The following NDOR1 variants were observed in gnomAD, a reference collection of about 807,000 sequenced individuals.
NDOR1 encodes the protein NADPH-dependent diflavin oxidoreductase 1.
Under a neutral mutation model 67.2 loss-of-function variants are expected in NDOR1, and 61 were observed. The observed-to-expected ratio is 0.91, with a 90% confidence interval of 0.74 to 1.12. NDOR1 has a LOEUF of 1.12. Among genes scored for constraint, NDOR1 ranks in the 50% most tolerant of loss-of-function variants. The pLI, the probability that NDOR1 is intolerant of heterozygous loss-of-function variation, is 0.00. For synonymous variants in NDOR1, 378 were observed against 343.7 expected (o/e 1.10, Z -1.10); for missense variants, 878 against 802.8 (o/e 1.09, Z -1.13).
Position 137,205,737 on chromosome 9 carries a change from T to A in NDOR1, c.-41T>A. The A allele has an allele frequency of 6.3e-7, 1 of 1,599,172 alleles. No individual in the cohort carries two copies. Among genetic ancestry groups the A allele is most frequent in the Non-Finnish European group, 8.5e-7 (1 of 1,179,276 alleles). Reference sequence around the variant, plus strand: ...GCAACCCGGCCGGCGGGAACTGCCTTCTAGTTTTTAGTCTCAGACCAGACC... The same window carrying A: ...GCAACCCGGCCGGCGGGAACTGCCTACTAGTTTTTAGTCTCAGACCAGACC... On this transcript the variant is annotated 5_prime_UTR_variant, in exon 1 of 14. Transcript: ENST00000684003.
In NDOR1 at chr9:137,217,759, G is replaced by A. The variant is rs1835696840; in HGVS notation, c.*1343G>A. On this transcript the variant is annotated 3_prime_UTR_variant, in exon 14 of 14. Coordinates refer to ENST00000684003, the MANE Select transcript of NDOR1 (RefSeq NM_014434.4). ...GGGCCGCCCCTGTCGCCGCCCTGGG[G>A]TCCCTGTCCTCCTATCCTGACTCCT... 2.6e-6 allele frequency: 1 copy of A among 390,316 alleles called. No individual in the cohort carries two copies. Among genetic ancestry groups the A allele is most frequent in the African/African-American group, 2.1e-5 (1 of 47,746 alleles). 24.2% of individuals were successfully genotyped at this position (390,316 alleles called of 1,614,324 possible).
chr9:137,215,715 C>T lies in NDOR1; in HGVS notation c.1345C>T (p.Pro449Ser). 1 of 1,598,902 alleles carries T rather than the reference C, an allele frequency of 6.3e-7. No homozygotes were observed. Residue 449 changes from proline to serine, a missense_variant, in exon 11 of 14, where the codon CCA (proline) becomes TCA (serine). By Grantham distance (74) the Pro-to-Ser change is moderately conservative (BLOSUM62 -1). Coordinates refer to ENST00000684003, the MANE Select transcript of NDOR1 (RefSeq NM_014434.4). ...RPGSLAFPET[P>S]DTPVIMVGPG... Reference sequence around the variant, plus strand: ...TGGGAGTCTGGCCTTCCCAGAGACACCAGACACACCTGTGATCATGGTGGG... The same window carrying T: ...TGGGAGTCTGGCCTTCCCAGAGACATCAGACACACCTGTGATCATGGTGGG...
Position 137,216,525 on chromosome 9 carries a change from C to A in NDOR1, c.*109C>A. 7.2e-7 allele frequency: 1 copy of A among 1,394,838 alleles called. No homozygotes were observed. The highest frequency in any genetic ancestry group is 9.5e-7 in the Non-Finnish European group (1 of 1,048,090). 86.4% of individuals were successfully genotyped at this position (1,394,838 alleles called of 1,614,324 possible). On this transcript the variant is annotated 3_prime_UTR_variant, in exon 14 of 14. Transcript: ENST00000684003. ...GCCGTCATCCTCTCGGACCAGCCAGCTGGTCCTCTGGGAACAGCCAGCTCC... is the reference window on the plus strand; with the variant it reads ...GCCGTCATCCTCTCGGACCAGCCAGATGGTCCTCTGGGAACAGCCAGCTCC...
Position 137,205,772 on chromosome 9 carries a change from ACCCCG to A in NDOR1, c.-5_-1del. Reference sequence around the variant, plus strand: ...AGTCTCAGACCAGACCACCGGGCGCACCCCGATGCCGAGCCCGCAGCTTCTGGTGC... The same window carrying A: ...AGTCTCAGACCAGACCACCGGGCGCAATGCCGAGCCCGCAGCTTCTGGTGC... On this transcript the variant is annotated 5_prime_UTR_variant, in exon 1 of 14. Transcript: ENST00000684003. The A allele has an allele frequency of 6.2e-7, 1 of 1,602,738 alleles. No homozygotes were observed. Among genetic ancestry groups the A allele is most frequent in the Non-Finnish European group, 8.5e-7 (1 of 1,179,550 alleles).
Position 137,216,672 on chromosome 9 carries a change from C to G in NDOR1, c.*256C>G, listed in dbSNP as rs1040363354. The G allele has an allele frequency of 5.5e-6, 3 of 545,636 alleles. No homozygotes were observed. The highest frequency in any genetic ancestry group is 2.1e-5 in the South Asian group (1 of 48,458). The allele number at this position is 545,636 out of a possible 1,614,324, so 33.8% of individuals were successfully genotyped here. On this transcript the variant is annotated 3_prime_UTR_variant, in exon 14 of 14. Coordinates refer to ENST00000684003, the MANE Select transcript of NDOR1 (RefSeq NM_014434.4). The stretch of plus-strand genomic sequence containing the variant: ...ACAGTGAGCTGTGTCCTCGTCCCCC[C>G]ACCCCCTTCCCAGTCAAGGTGGTGG...
chr9:137,208,888 G>A (rs1381881381), intron 2 of NDOR1, among the ~76,000 whole-genome samples: 2 of 151,602 alleles, frequency 1.3e-5, no homozygotes, highest in Admixed American at 1.3e-4. Context: ...TGTTGTTGTT[G>A]GTTTGTTTTG....
Position 137,215,156 on chromosome 9 carries a change from T to A in NDOR1, c.1127T>A (p.Ile376Asn). 1.2e-6 allele frequency: 2 copies of A among 1,613,474 alleles called. 1 individual carries two copies. The highest frequency in any genetic ancestry group is 2.2e-5 in the South Asian group (2 of 91,008). ...AIPPDYLLDL[I>N]PVIRPRAFSI... ...CCTCCCGACTACCTGTTGGACCTCA[T>A]CCCCGTTATCCGGCCGAGGGCCTTC... is the stretch of plus-strand genomic sequence containing the variant. Residue 376 changes from isoleucine (I) to asparagine (N), a missense_variant, in exon 9 of 14, where the codon ATC becomes AAC. Transcript: ENST00000684003.
chr9:137,214,160 C>T (rs1835405288), intron 5 of NDOR1, 44 bp from the exon 6 acceptor site: 1 of 1,567,870 alleles, frequency 6.4e-7, no homozygotes, highest in Non-Finnish European at 8.6e-7. Flanking sequence ...GGTGGGCGGC[C>T]CCTGGGGAGT....
At chr9:137,210,059 C>T (rs1429028941) in intron 2 of NDOR1, among the ~76,000 whole-genome samples, 1 of 152,232 alleles carries the variant, frequency 6.6e-6, no homozygotes, top group Non-Finnish European at 1.5e-5. Flanking sequence ...CACCACTGCA[C>T]TCCAGCCTGG....
Position 137,206,953 on chromosome 9 carries a change from A to T in NDOR1, c.213+644A>T, listed in dbSNP as rs7037428. On this transcript the variant is annotated intron_variant, in intron 2 of 13. Transcript: ENST00000684003. ...GGAGCAGTCAGCGCAGAGGAAAAAG[A>T]TGATTTGGTTTGTGTGAAAAGTGGA... Among the ~76,000 whole-genome samples, 585 of 152,210 alleles carry T rather than the reference A, an allele frequency of 3.8e-3. 3 individuals are homozygous for T. Among genetic ancestry groups the T allele is most frequent in the African/African-American group, 0.013 (559 of 41,514 alleles).
intron 1 of NDOR1, 23 bp from the exon 2 acceptor site, chr9:137,206,209 C>T: frequency 2.5e-6 from 4 of 1,613,544 alleles, no homozygotes; most frequent in Non-Finnish European, 3.4e-6. Flanking sequence ...GGAGGTCTTA[C>T]GTGTGTGTGT....
At chr9:137,215,229 G>C (rs1392264311) in intron 9 of NDOR1, 27 bp downstream of exon 9, 1 of 1,600,898 alleles carries the variant, frequency 6.2e-7, no homozygotes, top group African/African-American at 1.3e-5. Context: ...TTGGAGCCCA[G>C]GACCGGCCCT....
At chr9:137,206,894 G>T (rs888025946) in intron 2 of NDOR1, among the ~76,000 whole-genome samples, 4 of 152,204 alleles carry the variant, frequency 2.6e-5, no homozygotes, top group Non-Finnish European at 1.5e-5. Context: ...GTCACGGAAG[G>T]ATGCGTGAGG....
rs1191753303 is a variant in NDOR1 at position 137,218,015 on chromosome 9, C to T, written c.*1599C>T. On this transcript the variant is annotated 3_prime_UTR_variant, in exon 14 of 14. Coordinates refer to ENST00000684003, the MANE Select transcript of NDOR1 (RefSeq NM_014434.4). ...CAAAGCCATGGAGGGTGCCTGGGCC[C>T]TTCCAACCTGGAAGGAGGAGGGGAG... is the stretch of plus-strand genomic sequence containing the variant. The T allele has an allele frequency of 1.3e-5, 5 of 399,158 alleles. No individual in the cohort carries two copies. The East Asian group carries it at 1.8e-4, about 14-fold the overall frequency. 24.7% of individuals were successfully genotyped at this position (399,158 alleles called of 1,614,324 possible).
chr9:137,215,343 C>T lies in NDOR1; in HGVS notation c.1174-64C>T, dbSNP rs888095838. The T allele has an allele frequency of 6.3e-5, 99 of 1,571,776 alleles. No homozygotes were observed. The African/African-American group carries it at 1.2e-3, about 19-fold the overall frequency. The stretch of plus-strand genomic sequence containing the variant: ...TGCCTCTGCGGGAGGTAGGTGGGGC[C>T]CACGGCCCAGGCACAGGTGAGGGCA... On this transcript the variant is annotated intron_variant, in intron 9 of 13. Transcript: ENST00000684003.
Position 137,214,611 on chromosome 9 carries a change from C to G in NDOR1, c.764C>G (p.Ser255Trp), listed in dbSNP as rs200133206. 8 of 1,610,870 alleles carry G rather than the reference C, an allele frequency of 5.0e-6. No individual in the cohort carries two copies. The African/African-American group carries it at 1.1e-4, about 21-fold the overall frequency. Residue 255 changes from serine to tryptophan, a missense_variant, in exon 7 of 14, where the codon TCG becomes TGG. Ser to Trp is a radical substitution (Grantham distance 177, BLOSUM62 -3). Transcript: ENST00000684003. ...GTGGTGCTGATTCAGCCCTCCAACT[C>G]GGCTGCCCATGTCCAGCGGTTCTGC... ...GDVVLIQPSN[S>W]AAHVQRFCQV...
At chr9:137,215,875 C>T in intron 11 of NDOR1, 24 bp from the exon 12 acceptor site, 1 of 1,612,718 alleles carries the variant, frequency 6.2e-7, no homozygotes, top group Admixed American at 1.7e-5. Context: ...GACCTGTGGC[C>T]AAGAGCACCC....
At position 137,214,208 on chromosome 9, in the gene NDOR1, CCCTCCAAGTTCACCCTGCTGTT is replaced by C; in HGVS notation, c.526_547del (p.Phe176ArgfsTer12). 6.2e-7 allele frequency: 1 copy of C among 1,610,290 alleles called. No homozygotes were observed. Among genetic ancestry groups the C allele is most frequent in the Non-Finnish European group, 8.5e-7 (1 of 1,179,202 alleles). On this transcript the variant is annotated frameshift_variant, in exon 6 of 14. Transcript: ENST00000684003. LOFTEE classifies it high-confidence loss of function. ...GACCAGCGTGCCCTCCCACAGCCTG[CCCTCCAAGTTCACCCTGCTGTT>C]CCTCCAAGAGGCACCCAGCACGGGC...
In NDOR1 at chr9:137,217,292, G is replaced by A. The variant is rs953562925; in HGVS notation, c.*876G>A. Among the ~76,000 whole-genome samples the A allele has an allele frequency of 1.3e-5, 2 of 152,218 alleles. No homozygotes were observed. The highest frequency in any genetic ancestry group is 2.4e-5 in the African/African-American group (1 of 41,456). On this transcript the variant is annotated 3_prime_UTR_variant, in exon 14 of 14. Transcript: ENST00000684003. The stretch of plus-strand genomic sequence containing the variant: ...TGACTGCCTCGTTCTTAAGGGCATA[G>A]TGGGTCGGCTAAGATCTGATCGCCA...
Sources: allele counts gnomAD v4.1 joint callset (sites outside exome capture counted in the v4.1 genomes callset), GRCh38; gene constraint gnomAD v4.1.1; transcripts MANE v1.5; gene names NCBI Gene and HGNC (gene_info 2026-07-23, HGNC 2026-07-21).